FGGY: variants seen among roughly 807,000 people sequenced by gnomAD.
FGGY encodes FGGY carbohydrate kinase domain containing.
Under a neutral mutation model 71.3 loss-of-function variants are expected in FGGY, and 72 were observed. The observed-to-expected ratio is 1.01, with a 90% CI of 0.84 to 1.23. The LOEUF (loss-of-function observed/expected upper bound fraction) is 1.23, where lower values mean the gene tolerates loss of function less well. Among genes scored for constraint, FGGY ranks in the 50% most tolerant of loss-of-function variants. The pLI, the probability that FGGY is intolerant of heterozygous loss-of-function variation, is 0.00. For synonymous variants in FGGY, 251 were observed against 250.3 expected (o/e 1.00, Z -0.02); for missense variants, 668 against 682.3 (o/e 0.98, Z 0.23).
intron 5 of FGGY, among the ~76,000 whole-genome samples, chr1:59,441,188 C>T (rs1450540068): frequency 6.6e-6 from 1 of 151,972 alleles, no homozygotes; most frequent in African/African-American, 2.4e-5. Flanking sequence ...AGACCTAGTA[C>T]TCACGTCTAT....
intron 8 of FGGY, among the ~76,000 whole-genome samples, chr1:59,571,367 A>G (rs1180852856): frequency 9.9e-5 from 15 of 152,212 alleles, no homozygotes; most frequent in Admixed American, 9.8e-4. Context: ...ACTGGAGAGA[A>G]AATGGTGAGC....
In FGGY at chr1:59,625,932, A is replaced by G. The variant is rs1004277512; in HGVS notation, c.1012-56A>G. 1.2e-5 allele frequency: 16 copies of G among 1,366,336 alleles called. No individual in the cohort carries two copies. The South Asian group carries it at 2.1e-4, about 18-fold the overall frequency. 84.6% of individuals were successfully genotyped at this position (1,366,336 alleles called of 1,614,324 possible). A position where few individuals can be genotyped will look rare whatever the true frequency, so the allele number is the denominator to read the frequency against. On this transcript the variant is annotated intron_variant, in intron 9 of 15. Transcript: ENST00000303721. ...TACTCATTTTAATATAAATTTTTCT[A>G]TCTTATACATAAATTAAAGAAGCTA... is the stretch of plus-strand genomic sequence containing the variant.
In FGGY at chr1:59,618,385, C is replaced by G. The variant is rs147287292; in HGVS notation, c.1012-7603C>G. 3.9e-3 allele frequency among the ~76,000 whole-genome samples: 601 copies of G among 152,172 alleles called. 7 individuals are homozygous for G. The highest frequency in any genetic ancestry group is 0.024 in the Admixed American group (367 of 15,258). On this transcript the variant is annotated intron_variant, in intron 9 of 15. Coordinates refer to ENST00000303721, the MANE Select transcript of FGGY (RefSeq NM_018291.5). ...GCTGAGAATGTCAAGGTAATCTGAT[C>G]AAAATCTTACAGTTATAAGTAGGAG...
intron 11 of FGGY, among the ~76,000 whole-genome samples, chr1:59,658,980 G>T (rs1017610825): frequency 4.6e-5 from 7 of 152,182 alleles, no homozygotes; most frequent in African/African-American, 1.7e-4. Flanking sequence ...CCAGCACTTT[G>T]GGAAGCCAAG....
At chr1:59,487,507 G>A (rs11207460) in intron 6 of FGGY, among the ~76,000 whole-genome samples, 54,593 of 152,058 alleles carry the variant, frequency 0.36, 10,543 homozygotes, top group Middle Eastern at 0.52. Flanking sequence ...TTTCCAAGCA[G>A]TTCTGTCCTA....
intron 6 of FGGY, among the ~76,000 whole-genome samples, chr1:59,492,255 G>T (rs942107680): frequency 6.6e-6 from 1 of 151,950 alleles, no homozygotes; most frequent in Non-Finnish European, 1.5e-5. Context: ...TTGCTTATTT[G>T]GGTTTCTGTC....
chr1:59,728,068 G>T (rs1169923877), intron 14 of FGGY, among the ~76,000 whole-genome samples: 1 of 152,026 alleles, frequency 6.6e-6, no homozygotes, highest in Non-Finnish European at 1.5e-5. Context: ...TATCTACCAT[G>T]TTTGTAACTA....
intron 4 of FGGY, among the ~76,000 whole-genome samples, chr1:59,371,765 T>C (rs973645486): frequency 3.9e-5 from 6 of 151,960 alleles, no homozygotes; most frequent in Non-Finnish European, 7.4e-5. Flanking sequence ...CACTCAAAAC[T>C]GCTCAACTAC....
intron 8 of FGGY, among the ~76,000 whole-genome samples, chr1:59,603,339 C>A (rs1026116730): frequency 2.0e-5 from 3 of 152,140 alleles, no homozygotes; most frequent in African/African-American, 7.2e-5. Context: ...TCTTCTACTC[C>A]ATTATTAAGC....
intron 14 of FGGY, chr1:59,698,918 T>C (rs987309639): frequency 1.0e-6 from 1 of 985,326 alleles, no homozygotes; most frequent in Non-Finnish European, 1.2e-6. Context: ...TTCCTAAATA[T>C]GCTCCTAGCA....
At chr1:59,723,564 G>GGT (rs1558911391) in intron 14 of FGGY, among the ~76,000 whole-genome samples, 3 of 79,286 alleles carry the variant, frequency 3.8e-5, no homozygotes, top group African/African-American at 1.6e-4. Flanking sequence ...GTTTTTTTTT[G>GGT]GGGGGGGGTG....
At chr1:59,612,750 C>A (rs2096702745) in intron 9 of FGGY, among the ~76,000 whole-genome samples, 1 of 152,084 alleles carries the variant, frequency 6.6e-6, no homozygotes, top group African/African-American at 2.4e-5. Context: ...TTCAGGAAAC[C>A]CATCTCACGT....
intron 9 of FGGY, among the ~76,000 whole-genome samples, chr1:59,608,649 A>G (rs961826161): frequency 5.3e-5 from 8 of 152,156 alleles, no homozygotes; most frequent in Non-Finnish European, 1.5e-5. Context: ...CCTGACCAAC[A>G]TGGTGAAACC....
At chr1:59,375,209 G>A (rs1416464504) in intron 4 of FGGY, among the ~76,000 whole-genome samples, 1 of 143,714 alleles carries the variant, frequency 7.0e-6, no homozygotes, top group Non-Finnish European at 1.5e-5. Context: ...GCAGTGAGCT[G>A]AGATCGCACC....
At chr1:59,562,387 G>T (rs934295154) in intron 8 of FGGY, among the ~76,000 whole-genome samples, 2 of 152,176 alleles carry the variant, frequency 1.3e-5, no homozygotes, top group Non-Finnish European at 2.9e-5. Context: ...ATTCTTCCAG[G>T]CAACTTGCAG....
chr1:59,359,176 T>C (rs1262269987), intron 4 of FGGY, among the ~76,000 whole-genome samples: 2 of 152,234 alleles, frequency 1.3e-5, no homozygotes, highest in Non-Finnish European at 2.9e-5. Flanking sequence ...CATTATTTTC[T>C]TAATAATGAC....
chr1:59,572,136 A>G (rs1396563033), intron 8 of FGGY, among the ~76,000 whole-genome samples: 1 of 152,130 alleles, frequency 6.6e-6, no homozygotes, highest in East Asian at 1.9e-4. Context: ...TGTATGTATG[A>G]TATGTAAGTG....
intron 5 of FGGY, among the ~76,000 whole-genome samples, chr1:59,383,191 T>C (rs2059682205): frequency 6.6e-6 from 1 of 152,204 alleles, no homozygotes; most frequent in South Asian, 2.1e-4. Flanking sequence ...CCTGAATGAT[T>C]TGTTCAAAAC....
At chr1:59,386,461 A>G (rs530173821) in intron 5 of FGGY, among the ~76,000 whole-genome samples, 6 of 152,246 alleles carry the variant, frequency 3.9e-5, no homozygotes, top group Non-Finnish European at 1.5e-5. Context: ...TCTTATCACA[A>G]CTTAACACTA....
Sources: gnomAD v4.1 joint callset for allele counts (sites outside exome capture counted in the v4.1 genomes callset) on GRCh38, gnomAD v4.1.1 for gene constraint, MANE v1.5 for transcripts, NCBI Gene and HGNC (gene_info 2026-07-23, HGNC 2026-07-21) for gene names.